C2orf42: variants seen among roughly 807,000 people sequenced by gnomAD.
The protein encoded by C2orf42 is uncharacterized protein C2orf42.
A neutral mutation model predicts 58.9 loss-of-function variants in C2orf42; 44 were observed. The observed-to-expected ratio is 0.75, with a 90% CI of 0.59 to 0.96. The LOEUF (loss-of-function observed/expected upper bound fraction) is 0.96, where lower values mean the gene tolerates loss of function less well. Among genes scored for constraint, C2orf42 ranks in the 40% least tolerant of loss-of-function variants. The pLI, the probability that C2orf42 is intolerant of heterozygous loss-of-function variation, is 0.00. For missense variants in C2orf42, 630 were observed against 699.2 expected (o/e 0.90, Z 1.12); for synonymous variants, 239 against 265.4 (o/e 0.90, Z 0.97).
At chr2:70,168,290 C>CTT (rs374244702) in intron 6 of C2orf42, among the ~76,000 whole-genome samples, 111 of 132,088 alleles carry the variant, frequency 8.4e-4, no homozygotes, top group African/African-American at 3.0e-3. Context: ...CTATAGGATC[C>CTT]TTTTTTTTTT....
intron 1 of C2orf42, among the ~76,000 whole-genome samples, chr2:70,185,837 A>G (rs1383435109): frequency 6.6e-6 from 1 of 151,794 alleles, no homozygotes; most frequent in Admixed American, 6.6e-5. Context: ...GCTTTGTGAA[A>G]TAAGATGCAT....
chr2:70,172,714 C>G (rs1673911236), intron 5 of C2orf42, among the ~76,000 whole-genome samples: 1 of 152,080 alleles, frequency 6.6e-6, no homozygotes, highest in Non-Finnish European at 1.5e-5. Flanking sequence ...AACAAAATAT[C>G]TTCACGTGTC....
chr2:70,176,436 G>A (rs1407754691), intron 4 of C2orf42, among the ~76,000 whole-genome samples: 1 of 151,778 alleles, frequency 6.6e-6, no homozygotes, highest in Non-Finnish European at 1.5e-5. Flanking sequence ...CCCAGGAGGC[G>A]GAGCTTGCAG....
chr2:70,189,165 T>G (rs1675150294), intron 1 of C2orf42, among the ~76,000 whole-genome samples: 1 of 151,704 alleles, frequency 6.6e-6, no homozygotes, highest in South Asian at 2.1e-4. Context: ...CCCAGCACTT[T>G]GGGAGGCGAG....
intron 5 of C2orf42, among the ~76,000 whole-genome samples, chr2:70,170,858 G>A (rs1167171170): frequency 1.3e-5 from 2 of 151,966 alleles, no homozygotes; most frequent in African/African-American, 4.8e-5. Context: ...GCTCACGCCT[G>A]TAATCCCAGC....
intron 6 of C2orf42, among the ~76,000 whole-genome samples, chr2:70,166,807 C>G (rs981324711): frequency 1.3e-5 from 2 of 152,112 alleles, no homozygotes; most frequent in Non-Finnish European, 2.9e-5. Context: ...AAAGGGTATG[C>G]GAAGTAAGAT....
chr2:70,165,549 G>A lies in C2orf42; in HGVS notation c.1231C>T (p.Arg411Trp), dbSNP rs769259071. The change falls in exon 7 of 10, where the codon CGG (arginine) becomes TGG (tryptophan). Residue 411 changes from arginine to tryptophan, a missense_variant. Coordinates refer to ENST00000264434, the MANE Select transcript of C2orf42 (RefSeq NM_017880.3). ...GTACCTGTGGTGGAGTTGGGGAGCCGTTTTTTTGCACTTCCTATAGATATT... is the reference window on the plus strand; with the variant it reads ...GTACCTGTGGTGGAGTTGGGGAGCCATTTTTTTGCACTTCCTATAGATATT... ...QRISIGSAKKRLPNSTTAFVR... is the reference protein window; with the variant it reads ...QRISIGSAKKWLPNSTTAFVR... 1.6e-5 allele frequency: 25 copies of A among 1,603,580 alleles called. No homozygotes were observed. The highest frequency in any genetic ancestry group is 3.3e-5 in the South Asian group (3 of 90,858).
intron 1 of C2orf42, among the ~76,000 whole-genome samples, chr2:70,188,686 CT>C (rs1000048221): frequency 6.6e-6 from 1 of 152,098 alleles, no homozygotes; most frequent in Non-Finnish European, 1.5e-5. Context: ...GACTTTGCCC[CT>C]TTTTTCTGTT....
intron 5 of C2orf42, among the ~76,000 whole-genome samples, chr2:70,174,662 C>T (rs541638190): frequency 6.6e-6 from 1 of 152,094 alleles, no homozygotes; most frequent in South Asian, 2.1e-4. Context: ...TTACAACCCT[C>T]CCAACCCCCT....
At chr2:70,176,546 T>C (rs1674207218) in intron 4 of C2orf42, among the ~76,000 whole-genome samples, 1 of 152,176 alleles carries the variant, frequency 6.6e-6, no homozygotes, top group Non-Finnish European at 1.5e-5. Context: ...CAAGTTTAAC[T>C]GAGTATTCTA....
chr2:70,153,794 T>C (rs1178829973), intron 9 of C2orf42, among the ~76,000 whole-genome samples: 1 of 151,402 alleles, frequency 6.6e-6, no homozygotes, highest in East Asian at 2.0e-4. Flanking sequence ...GCGCGGTGGC[T>C]CATGCCTGTA....
intron 4 of C2orf42, among the ~76,000 whole-genome samples, chr2:70,178,437 T>C (rs372943413): frequency 1.3e-5 from 2 of 151,084 alleles, no homozygotes; most frequent in East Asian, 3.9e-4. Flanking sequence ...CGAAACCCCG[T>C]CTCTACTAAA....
chr2:70,183,280 AT>A (rs1553412058), intron 1 of C2orf42, among the ~76,000 whole-genome samples: 2 of 152,066 alleles, frequency 1.3e-5, no homozygotes, highest in Non-Finnish European at 2.9e-5. Context: ...CTATAAAAAA[AT>A]TTAAAAATTA....
intron 5 of C2orf42, among the ~76,000 whole-genome samples, chr2:70,171,290 A>T (rs1206459890): frequency 6.6e-6 from 1 of 152,130 alleles, no homozygotes. Context: ...AAAATAAATA[A>T]GTAAATAAAT....
chr2:70,169,040 A>G (rs977595531), intron 6 of C2orf42, among the ~76,000 whole-genome samples: 3 of 151,522 alleles, frequency 2.0e-5, no homozygotes, highest in Non-Finnish European at 2.9e-5. Flanking sequence ...CTATATAACT[A>G]TCTTAGTCTC....
intron 9 of C2orf42, among the ~76,000 whole-genome samples, chr2:70,156,803 A>G (rs922601975): frequency 1.3e-5 from 2 of 151,594 alleles, no homozygotes; most frequent in African/African-American, 4.9e-5. Context: ...TTGAGGCTGC[A>G]GTGAGCCGTG....
intron 1 of C2orf42, among the ~76,000 whole-genome samples, chr2:70,184,050 C>T (rs1165632831): frequency 6.6e-6 from 1 of 152,060 alleles, no homozygotes; most frequent in Non-Finnish European, 1.5e-5. Flanking sequence ...GCCTCAAGCG[C>T]TCCTCCTGCC....
intron 9 of C2orf42, among the ~76,000 whole-genome samples, chr2:70,159,816 A>T (rs528003462): frequency 6.6e-6 from 1 of 152,178 alleles, no homozygotes; most frequent in African/African-American, 2.4e-5. Flanking sequence ...GATTACAGGC[A>T]TAAGCCACTG....
Position 70,165,158 on chromosome 2 carries a change from G to C in C2orf42, c.1287C>G (p.Thr429=). 2.5e-6 allele frequency: 4 copies of C among 1,609,814 alleles called. No individual in the cohort carries two copies. In the South Asian group the frequency reaches 4.4e-5, roughly 18 times the overall value. ...FVRKDALPLG[T]FSKYTWHITN... ...TGATATGCCAAGTATACTTGGAAAA[G>C]GTTCCCAGTGGCAAGGCATCTTTCC... Residue 429 remains threonine (T), a synonymous_variant, in exon 8 of 10, where the codon ACC becomes ACG. Transcript: ENST00000264434.
Sources: gnomAD v4.1 joint callset for allele counts (sites outside exome capture counted in the v4.1 genomes callset) on GRCh38, gnomAD v4.1.1 for gene constraint, MANE v1.5 for transcripts, NCBI Gene and HGNC (gene_info 2026-07-23, HGNC 2026-07-21) for gene names.